The following MPPED1 variants were observed in gnomAD, a reference collection of about 807,000 sequenced individuals.
MPPED1 encodes metallophosphoesterase domain containing 1.
A neutral mutation model predicts 36.2 loss-of-function variants in MPPED1; 16 were observed. The ratio of observed to expected loss-of-function variants is 0.44; its 90% confidence interval spans 0.30 to 0.67. The LOEUF (loss-of-function observed/expected upper bound fraction) is 0.67. Among genes scored for constraint, MPPED1 ranks in the 30% least tolerant of loss-of-function variants. The pLI is 0.10. For missense variants in MPPED1, 307 were observed against 453.4 expected (o/e 0.68, Z 2.93); for synonymous variants, 199 against 191.3 (o/e 1.04, Z -0.33).
rs541951622 is a variant in MPPED1 at position 43,437,181 on chromosome 22, C to G, written c.406+1966C>G. ...TCACCCACTGCACAAAGCGAGACAC[C>G]TTGGTTGGCCGGTGGGCCAGGTCCC... On this transcript the variant is annotated intron_variant, in intron 3 of 6. Transcript: ENST00000443721. Among the ~76,000 whole-genome samples the G allele has an allele frequency of 2.6e-5, 4 of 152,250 alleles. No individual in the cohort carries two copies. In the East Asian group the frequency reaches 7.7e-4, roughly 29 times the overall value.
chr22:43,435,748 A>C (rs1601956899), intron 3 of MPPED1, among the ~76,000 whole-genome samples: 3 of 152,234 alleles, frequency 2.0e-5, no homozygotes, highest in Admixed American at 6.5e-5. Context: ...TCCCAGCTAC[A>C]TCGGAGGCTG....
intron 3 of MPPED1, among the ~76,000 whole-genome samples, chr22:43,470,455 C>A (rs1225216288): frequency 1.3e-5 from 2 of 152,164 alleles, no homozygotes; most frequent in East Asian, 3.8e-4. Context: ...ACCATCCATC[C>A]ATGTACCCAT....
intron 4 of MPPED1, among the ~76,000 whole-genome samples, chr22:43,486,581 T>C (rs1205760800): frequency 2.0e-5 from 3 of 151,936 alleles, no homozygotes; most frequent in South Asian, 2.1e-4. Context: ...CCTCAGAGGA[T>C]TGTCAAGAGG....
At chr22:43,415,629 A>G (rs1424929545) in intron 1 of MPPED1, among the ~76,000 whole-genome samples, 2 of 152,186 alleles carry the variant, frequency 1.3e-5, no homozygotes, top group East Asian at 1.9e-4. Flanking sequence ...GAACTTGGCC[A>G]GCTTAATGTC....
intron 3 of MPPED1, among the ~76,000 whole-genome samples, chr22:43,462,507 C>T (rs975458120): frequency 2.0e-5 from 3 of 152,342 alleles, no homozygotes; most frequent in African/African-American, 2.4e-5. Context: ...AGCTTCCCCA[C>T]TCACATATGC....
intron 4 of MPPED1, among the ~76,000 whole-genome samples, chr22:43,491,206 G>A (rs757523223): frequency 1.1e-4 from 17 of 152,218 alleles, no homozygotes; most frequent in Admixed American, 5.2e-4. Flanking sequence ...CCGTGGGTGA[G>A]TCTCAGGAGG....
chr22:43,435,111 G>A lies in MPPED1; in HGVS notation c.302G>A (p.Arg101Lys). 2.5e-6 allele frequency: 4 copies of A among 1,613,862 alleles called. No individual in the cohort carries two copies. The highest frequency in any genetic ancestry group is 3.4e-6 in the Non-Finnish European group (4 of 1,179,904). Residue 101 changes from arginine (R) to lysine (K), a missense_variant, in exon 3 of 7, where the codon AGG becomes AAG. By Grantham distance (26) the Arg-to-Lys change is conservative. Coordinates refer to ENST00000443721, the MANE Select transcript of MPPED1 (RefSeq NM_001044370.2). ...RFVCVSDTHS[R>K]TDPIQMPYGD... The stretch of plus-strand genomic sequence containing the variant: ...GTCTGCGTCTCTGATACCCACTCGA[G>A]GACGGACCCCATCCAGATGCCGTAC...
At chr22:43,499,606 T>A (rs1228926323) in intron 5 of MPPED1, among the ~76,000 whole-genome samples, 1 of 68,632 alleles carries the variant, frequency 1.5e-5, no homozygotes, top group Non-Finnish European at 2.7e-5. Context: ...GAGGTGGTGG[T>A]GGTGGTGATG....
At position 43,505,599 on chromosome 22, in the gene MPPED1, A is replaced by G. The variant is rs752060681; in HGVS notation, c.964A>G (p.Thr322Ala). 1 of 1,610,294 alleles carries G rather than the reference A, an allele frequency of 6.2e-7. No homozygotes were observed. Among genetic ancestry groups the G allele is most frequent in the Non-Finnish European group, 8.5e-7 (1 of 1,178,534 alleles). ...CCCGCCCATAGTCATCGACCTCCCC[A>G]CACCCCGGAACTCCTGACTGCTCCC... ...VNPPIVIDLPTPRNS is the reference protein window; with the variant it reads ...VNPPIVIDLPAPRNS Residue 322 changes from threonine (T) to alanine (A), a missense_variant, in exon 7 of 7, where the codon ACA becomes GCA. Physicochemically the swap from Thr to Ala is moderately conservative, Grantham distance 58 (BLOSUM62 0). This residue lies in a region of MPPED1 where 132 missense variants were observed against 212.3 expected (regional missense o/e 0.62). Coordinates refer to ENST00000443721, the MANE Select transcript of MPPED1 (RefSeq NM_001044370.2).
intron 4 of MPPED1, among the ~76,000 whole-genome samples, chr22:43,488,093 G>A (rs1000199022): frequency 1.3e-5 from 2 of 152,148 alleles, no homozygotes; most frequent in Admixed American, 1.3e-4. Context: ...CCTCTCTTGG[G>A]GGGGTGTGAG....
intron 3 of MPPED1, among the ~76,000 whole-genome samples, chr22:43,449,820 C>T (rs1311591831): frequency 2.6e-5 from 4 of 152,210 alleles, no homozygotes; most frequent in African/African-American, 9.6e-5. Flanking sequence ...GGATGTTTCT[C>T]ACAGGGCCTT....
chr22:43,427,596 C>G (rs557340608), intron 2 of MPPED1, among the ~76,000 whole-genome samples: 2 of 152,272 alleles, frequency 1.3e-5, no homozygotes, highest in Admixed American at 1.3e-4. Context: ...TTTAACCGAG[C>G]AACCCAGGGC....
chr22:43,440,425 G>T (rs959706466), intron 3 of MPPED1, among the ~76,000 whole-genome samples: 1 of 152,138 alleles, frequency 6.6e-6, no homozygotes, highest in African/African-American at 2.4e-5. Flanking sequence ...CTGAGGGCAG[G>T]AGGGGAGGCT....
chr22:43,412,185 G>C, intron 1 of MPPED1, 27 bp downstream of exon 1: 1 of 975,488 alleles, frequency 1.0e-6, no homozygotes, highest in Non-Finnish European at 1.2e-6. Context: ...GCGGGGCGCG[G>C]CGGGCGCGGG....
In MPPED1 at chr22:43,461,398, C is replaced by G. The variant is rs78607432; in HGVS notation, c.407-13338C>G. ...GCTGAGAAGAGGGCAAGTTAGAATG[C>G]TGCACAACTCAGCTATTTTTCTTGC... is the stretch of plus-strand genomic sequence containing the variant. On this transcript the variant is annotated intron_variant, in intron 3 of 6. Coordinates refer to ENST00000443721, the MANE Select transcript of MPPED1 (RefSeq NM_001044370.2). Among the ~76,000 whole-genome samples the G allele has an allele frequency of 0.022, 3,386 of 152,274 alleles. 311 individuals carry two copies. The East Asian group carries it at 0.29, about 13-fold the overall frequency.
intron 3 of MPPED1, among the ~76,000 whole-genome samples, chr22:43,467,952 T>G (rs1384189162): frequency 6.6e-6 from 1 of 152,150 alleles, no homozygotes; most frequent in Non-Finnish European, 1.5e-5. Context: ...CGATAAAGAA[T>G]TGTACCTTTT....
intron 3 of MPPED1, among the ~76,000 whole-genome samples, chr22:43,473,930 C>T (rs191607871): frequency 9.6e-4 from 146 of 152,324 alleles, no homozygotes; most frequent in Admixed American, 2.2e-3. Flanking sequence ...CAAAAGTTCG[C>T]ACACAGCAAA....
rs112947167 is a variant in MPPED1 at position 43,422,114 on chromosome 22, C to T, written c.-78-2794C>T. On this transcript the variant is annotated intron_variant, in intron 1 of 6. Coordinates refer to ENST00000443721, the MANE Select transcript of MPPED1 (RefSeq NM_001044370.2). ...TGAAGGCCCCAGATCCAGGCCTCTC[C>T]GAGGAGACCCCGGCATTGCTGAGAG... is the stretch of plus-strand genomic sequence containing the variant. Among the ~76,000 whole-genome samples the T allele has an allele frequency of 4.7e-4, 72 of 152,284 alleles. 2 individuals are homozygous for T. The East Asian group carries it at 6.8e-3, about 14-fold the overall frequency.
At chr22:43,464,973 C>A (rs1484859349) in intron 3 of MPPED1, among the ~76,000 whole-genome samples, 2 of 152,244 alleles carry the variant, frequency 1.3e-5, no homozygotes, top group African/African-American at 2.4e-5. Context: ...TTCCCACCAT[C>A]TGACCCTGTT....
Sources: gnomAD v4.1 joint callset for allele counts (sites outside exome capture counted in the v4.1 genomes callset) on GRCh38, gnomAD v4.1.1 for gene constraint, gnomAD v4.1.1 regional missense constraint, MANE v1.5 for transcripts, NCBI Gene and HGNC (gene_info 2026-07-23, HGNC 2026-07-21) for gene names.